Variants in CACNA1D observed in about 807,000 individuals in gnomAD.
CACNA1D encodes the protein voltage-dependent L-type calcium channel subunit alpha-1D.
Under a neutral mutation model 257.1 loss-of-function variants are expected in CACNA1D, and 55 were observed. The ratio of observed to expected loss-of-function variants is 0.21; its 90% CI spans 0.17 to 0.27. The LOEUF is 0.27. Ranked by LOEUF, CACNA1D falls within the 10% of genes least tolerant of loss-of-function variation. CACNA1D has a pLI of 1.00. For missense variants in CACNA1D, 1,876 were observed against 2,784.0 expected (o/e 0.67, Z 7.34); for synonymous variants, 980 against 1,014.9 (o/e 0.97, Z 0.65).
intron 3 of CACNA1D, among the ~76,000 whole-genome samples, chr3:53,589,612 A>G (rs1228143483): frequency 2.0e-5 from 3 of 151,996 alleles, no homozygotes; most frequent in Admixed American, 6.5e-5. Context: ...ATTTTCCTCT[A>G]TGTGCTTTTC....
chr3:53,651,361 A>ATTTTTTTTTTT (rs1576235107), intron 4 of CACNA1D, among the ~76,000 whole-genome samples: 3 of 57,158 alleles, frequency 5.2e-5, no homozygotes, highest in African/African-American at 7.9e-5. Flanking sequence ...AAAGCTATTA[A>ATTTTTTTTTTT]TTTTCTTTTT....
chr3:53,693,001 C>T (rs2094541813), intron 8 of CACNA1D, among the ~76,000 whole-genome samples: 1 of 152,150 alleles, frequency 6.6e-6, no homozygotes, highest in Admixed American at 6.5e-5. Context: ...GAGGGCATGC[C>T]ACTGCACTCC....
At chr3:53,657,663 T>A (rs1355262993) in intron 4 of CACNA1D, among the ~76,000 whole-genome samples, 1 of 152,016 alleles carries the variant, frequency 6.6e-6, no homozygotes, top group East Asian at 1.9e-4. Flanking sequence ...GAAATTGGAG[T>A]CAAAGAACAG....
At chr3:53,516,992 G>A (rs533248381) in intron 3 of CACNA1D, among the ~76,000 whole-genome samples, 1 of 152,320 alleles carries the variant, frequency 6.6e-6, no homozygotes, top group East Asian at 1.9e-4. Context: ...CGGTGGCCTG[G>A]CTTTGAGTCC....
At chr3:53,769,929 C>T in intron 30 of CACNA1D, 44 bp from the exon 31 acceptor site, 1 of 1,485,926 alleles carries the variant, frequency 6.7e-7, no homozygotes, top group African/African-American at 1.4e-5. Context: ...CCATTGACTC[C>T]TTCCTGGTTC....
At chr3:53,633,986 A>G (rs1294098966) in intron 3 of CACNA1D, among the ~76,000 whole-genome samples, 1 of 152,238 alleles carries the variant, frequency 6.6e-6, no homozygotes, top group Non-Finnish European at 1.5e-5. Context: ...TTTATAAATA[A>G]TAAACCTAGA....
At chr3:53,778,836 G>T (rs2095411477) in intron 37 of CACNA1D, among the ~76,000 whole-genome samples, 1 of 152,218 alleles carries the variant, frequency 6.6e-6, no homozygotes, top group African/African-American at 2.4e-5. Flanking sequence ...AGCCACATAG[G>T]CTCATGCAAA....
chr3:53,595,026 C>T (rs146619263), intron 3 of CACNA1D, among the ~76,000 whole-genome samples: 1 of 152,326 alleles, frequency 6.6e-6, no homozygotes, highest in Non-Finnish European at 1.5e-5. Flanking sequence ...TGTTGTTTTG[C>T]TATTGATTTC....
chr3:53,768,852 G>A (rs971730301), intron 30 of CACNA1D, among the ~76,000 whole-genome samples: 4 of 152,174 alleles, frequency 2.6e-5, no homozygotes, highest in Non-Finnish European at 4.4e-5. Context: ...GGAGGCCCTC[G>A]AGAAGTGAGC....
chr3:53,743,171 G>A (rs1161300165), intron 22 of CACNA1D, 54 bp downstream of exon 22: 11 of 1,061,946 alleles, frequency 1.0e-5, no homozygotes, highest in Non-Finnish European at 1.6e-5. Flanking sequence ...GTTTATGTAA[G>A]GGATTTTAAC....
chr3:53,637,960 A>G (rs906354762), intron 3 of CACNA1D, among the ~76,000 whole-genome samples: 1 of 152,058 alleles, frequency 6.6e-6, no homozygotes, highest in Non-Finnish European at 1.5e-5. Context: ...TTAATTATAG[A>G]CTCCATACTT....
chr3:53,648,809 T>C (rs574078304), intron 3 of CACNA1D, among the ~76,000 whole-genome samples: 2 of 147,100 alleles, frequency 1.4e-5, no homozygotes, highest in South Asian at 4.3e-4. Context: ...ATAAACACAC[T>C]GATGCTGGCT....
chr3:53,677,912 C>T (rs2094392181), intron 8 of CACNA1D, among the ~76,000 whole-genome samples: 1 of 152,134 alleles, frequency 6.6e-6, no homozygotes, highest in Non-Finnish European at 1.5e-5. Flanking sequence ...AAATGGAGCT[C>T]ATCACAGTAG....
intron 4 of CACNA1D, among the ~76,000 whole-genome samples, chr3:53,653,872 GC>G (rs1559472319): frequency 3.2e-5 from 1 of 31,048 alleles, no homozygotes; most frequent in Non-Finnish European, 4.9e-5. Flanking sequence ...CATGAAAAAA[GC>G]CACATCAAGC....
intron 3 of CACNA1D, among the ~76,000 whole-genome samples, chr3:53,589,736 A>G (rs1271735125): frequency 6.6e-6 from 1 of 152,016 alleles, no homozygotes; most frequent in African/African-American, 2.4e-5. Context: ...CAACCTCCCA[A>G]AGCACTGGGA....
chr3:53,639,306 A>G (rs2093921450), intron 3 of CACNA1D, among the ~76,000 whole-genome samples: 1 of 152,072 alleles, frequency 6.6e-6, no homozygotes, highest in African/African-American at 2.4e-5. Flanking sequence ...AGAGGTTGGA[A>G]AGTGATAACT....
chr3:53,766,418 G>A (rs192605647), intron 30 of CACNA1D, among the ~76,000 whole-genome samples: 3 of 152,238 alleles, frequency 2.0e-5, no homozygotes, highest in African/African-American at 7.2e-5. Flanking sequence ...TGGCTTCTCC[G>A]CAATGCCTCG....
At chr3:53,627,719 A>G (rs2093775960) in intron 3 of CACNA1D, among the ~76,000 whole-genome samples, 1 of 152,092 alleles carries the variant, frequency 6.6e-6, no homozygotes, top group African/African-American at 2.4e-5. Flanking sequence ...TTCTTAGAAA[A>G]TGAGGTATTC....
In CACNA1D at chr3:53,747,357, C is replaced by A. The variant is rs777765883; in HGVS notation, c.3223C>A (p.Arg1075=). The A allele has an allele frequency of 6.2e-7, 1 of 1,613,848 alleles. No individual in the cohort carries two copies. The highest frequency in any genetic ancestry group is 8.5e-7 in the Non-Finnish European group (1 of 1,179,708). The stretch of plus-strand genomic sequence containing the variant: ...TGTTGACAGTCCTGTGGTCCGTGAA[C>A]GGATCTGGCAAAACAGTGATTTCAA... The part of the protein sequence containing the change: ...GDVDSPVVRE[R]IWQNSDFNFD... The change falls in exon 26 of 48, where the codon CGG becomes AGG. Residue 1075 remains arginine, a synonymous_variant. Coordinates refer to ENST00000350061, the MANE Select transcript of CACNA1D (RefSeq NM_001128840.3).
Sources: allele counts gnomAD v4.1 joint callset (sites outside exome capture counted in the v4.1 genomes callset), GRCh38; gene constraint gnomAD v4.1.1; transcripts MANE v1.5; gene names NCBI Gene and HGNC (gene_info 2026-07-23, HGNC 2026-07-21).